The following NLRP5 variants were observed in gnomAD, a reference collection of about 807,000 sequenced individuals.
NLRP5 encodes NACHT, LRR and PYD domains-containing protein 5.
NLRP5 carries 93 observed loss-of-function variants against 113.1 expected under a neutral mutation model. The observed-to-expected ratio is 0.82, with a 90% CI of 0.70 to 0.98. NLRP5 has a LOEUF of 0.98. Ranked by LOEUF, NLRP5 falls within the 50% of genes least tolerant of loss-of-function variation. The probability of loss-of-function intolerance (pLI) is 0.00; values close to 1 mark genes in which losing one functional copy is unlikely to be tolerated. For synonymous variants in NLRP5, 751 were observed against 600.7 expected (o/e 1.25, Z -3.66); for missense variants, 1,808 against 1,514.3 (o/e 1.19, Z -3.22).
Position 56,030,095 on chromosome 19 carries a change from C to T in NLRP5, c.2276+1586C>T, listed in dbSNP as rs555536992. Among the ~76,000 whole-genome samples the T allele has an allele frequency of 1.6e-4, 24 of 148,540 alleles. No individual in the cohort carries two copies. In the South Asian group the frequency reaches 2.8e-3, roughly 17 times the overall value. ...CCTCAAATTATCACATGGGGCTGGG[C>T]GCGGTGGCTCATGCCTGTAATCCTA... On this transcript the variant is annotated intron_variant, in intron 7 of 14. Transcript: ENST00000390649.
chr19:56,007,791 A>G (rs978996375), intron 2 of NLRP5, among the ~76,000 whole-genome samples: 3 of 136,290 alleles, frequency 2.2e-5, no homozygotes, highest in South Asian at 4.2e-4. Flanking sequence ...CCATGAGATA[A>G]ATAAAGGTGG....
rs550887011 is a variant in NLRP5, at chr19:56,040,510, T to C, written c.2787-412T>C. ...TTGAACCTGAGAGCAGAGGTTGCAGTGAGCTGAGATCATGCCACTGCACTC... is the reference window on the plus strand; with the variant it reads ...TTGAACCTGAGAGCAGAGGTTGCAGCGAGCTGAGATCATGCCACTGCACTC... On this transcript the variant is annotated intron_variant, in intron 10 of 14. Transcript: ENST00000390649. Among the ~76,000 whole-genome samples, 215 of 152,282 alleles carry C rather than the reference T, an allele frequency of 1.4e-3. 5 individuals carry two copies. The South Asian group carries it at 0.025, about 18-fold the overall frequency.
chr19:55,998,688 A>ATATGTGTGTGTGTGTGTGTG (rs1981439743), upstream of NLRP5, among the ~76,000 whole-genome samples: 2 of 50,294 alleles, frequency 4.0e-5, no homozygotes, highest in African/African-American at 2.0e-4. Flanking sequence ...ATATATATAT[A>ATATGTGTGTGTGTGTGTGTG]TATATATATA....
intron 3 of NLRP5, among the ~76,000 whole-genome samples, chr19:56,011,648 T>C (rs958247167): frequency 6.6e-6 from 1 of 151,734 alleles, no homozygotes; most frequent in Non-Finnish European, 1.5e-5. Flanking sequence ...CTTTCCAGAC[T>C]GAGATGTCAT....
chr19:56,024,378 TATATATAAC>T (rs1982733910), intron 6 of NLRP5, among the ~76,000 whole-genome samples: 1 of 117,650 alleles, frequency 8.5e-6, no homozygotes, highest in African/African-American at 3.3e-5. Context: ...TATATATGTG[TATATATAAC>T]ATATATACAT....
In NLRP5 at chr19:56,058,408, T is replaced by C; in HGVS notation, c.3468T>C (p.Ile1156=). Reference sequence around the variant, plus strand: ...GTCCCACGTCTAACTTACAGATAATTGGGTAAGTCGCCAGCAATTGTCTTC... The same window carrying C: ...GTCCCACGTCTAACTTACAGATAATCGGGTAAGTCGCCAGCAATTGTCTTC... Residue 1156 remains isoleucine (I), a splice_region_variant and synonymous_variant, in exon 14 of 15, where the codon ATT becomes ATC. Transcript: ENST00000390649. 1 of 1,610,826 alleles carries C rather than the reference T, an allele frequency of 6.2e-7. No individual in the cohort carries two copies. The highest frequency in any genetic ancestry group is 8.5e-7 in the Non-Finnish European group (1 of 1,178,280).
In NLRP5 at chr19:56,032,660, A is replaced by G. The variant is rs775460868; in HGVS notation, c.2326A>G (p.Met776Val). 27 of 1,613,700 alleles carry G rather than the reference A, an allele frequency of 1.7e-5. No individual in the cohort carries two copies. Among genetic ancestry groups the G allele is most frequent in the African/African-American group, 2.7e-5 (2 of 74,928 alleles). The stretch of plus-strand genomic sequence containing the variant: ...GGAGCAGTGGGAAGATTTCTGCTCC[A>G]TGCTTGGCACCCACCCACACCTGCG... Residue 776 changes from methionine (M) to valine (V), a missense_variant, in exon 8 of 15, where the codon ATG (methionine) becomes GTG (valine). Transcript: ENST00000390649.
chr19:56,035,825 C>T (rs1393331201), intron 9 of NLRP5, among the ~76,000 whole-genome samples: 1 of 152,050 alleles, frequency 6.6e-6, no homozygotes, highest in Non-Finnish European at 1.5e-5. Context: ...GAGACTTTGA[C>T]ATTGGAAGAT....
At position 56,027,806 on chromosome 19, in the gene NLRP5, A is replaced by G; in HGVS notation, c.1573A>G (p.Arg525Gly). The G allele has an allele frequency of 6.2e-7, 1 of 1,613,998 alleles. No individual in the cohort carries two copies. The highest frequency in any genetic ancestry group is 8.5e-7 in the Non-Finnish European group (1 of 1,179,882). ...CCGGCGCTGTCTCAATCTGGAGGAA[A>G]GAGTTGTCCTGAAGCGCTTCTGCCG... Residue 525 changes from arginine to glycine, a missense_variant, in exon 7 of 15, where the codon AGA becomes GGA. Coordinates refer to ENST00000390649, the MANE Select transcript of NLRP5 (RefSeq NM_153447.4).
chr19:55,998,509 C>T (rs905322281), upstream of NLRP5, among the ~76,000 whole-genome samples: 19 of 151,276 alleles, frequency 1.3e-4, no homozygotes, highest in African/African-American at 3.7e-4. Context: ...GAAAATTAGC[C>T]GGGCATGGTG....
At chr19:56,018,551 TTA>T (rs1467808969) in intron 4 of NLRP5, 1 of 152,202 alleles carries the variant, frequency 6.6e-6, no homozygotes, top group Non-Finnish European at 1.5e-5. Context: ...TACAAATAGT[TTA>T]TGACAACTCA....
rs766991326 is a variant in NLRP5, at chr19:56,032,674, C to A, written c.2340C>A (p.His780Gln). ...ATTTCTGCTCCATGCTTGGCACCCA[C>A]CCACACCTGCGGCAGCTGGACCTGG... The change falls in exon 8 of 15, where the codon CAC becomes CAA. Residue 780 changes from histidine (H) to glutamine (Q), a missense_variant. His to Gln is a conservative substitution (Grantham distance 24). Transcript: ENST00000390649. The A allele has an allele frequency of 6.2e-7, 1 of 1,613,694 alleles. No homozygotes were observed. Among genetic ancestry groups the A allele is most frequent in the African/African-American group, 1.3e-5 (1 of 74,936 alleles).
chr19:56,032,648 G>C lies in NLRP5; in HGVS notation c.2314G>C (p.Asp772His). The C allele has an allele frequency of 6.2e-7, 1 of 1,613,786 alleles. No individual in the cohort carries two copies. Residue 772 changes from aspartate to histidine, a missense_variant, in exon 8 of 15, where the codon GAT becomes CAT. Coordinates refer to ENST00000390649, the MANE Select transcript of NLRP5 (RefSeq NM_153447.4). ...GACCCTCATTGAGGAGCAGTGGGAA[G>C]ATTTCTGCTCCATGCTTGGCACCCA...
chr19:55,993,647 C>A, the NLRP5 span, among the ~76,000 whole-genome samples: 1 of 110,168 alleles, frequency 9.1e-6, no homozygotes, highest in South Asian at 3.8e-4. Flanking sequence ...TCCTCTAATA[C>A]CCACAATTAC....
chr19:56,047,042 T>G (rs1271204335), intron 11 of NLRP5, among the ~76,000 whole-genome samples: 7 of 121,212 alleles, frequency 5.8e-5, no homozygotes, highest in Admixed American at 4.7e-4. Context: ...ATAAAGGTGT[T>G]CCTTATAGCC....
intron 2 of NLRP5, among the ~76,000 whole-genome samples, chr19:56,005,749 A>G (rs974608088): frequency 6.6e-6 from 1 of 152,202 alleles, no homozygotes; most frequent in Admixed American, 6.6e-5. Flanking sequence ...AAAAAGGCCC[A>G]GTGTGGAGGG....
chr19:56,004,286 G>A (rs1264405611), intron 2 of NLRP5, among the ~76,000 whole-genome samples, 191 bp downstream of exon 2: 1 of 151,978 alleles, frequency 6.6e-6, no homozygotes, highest in East Asian at 1.9e-4. Context: ...AAATAATGGA[G>A]GAGGGAGAAA....
rs754029333 is a variant in NLRP5 at position 56,028,207 on chromosome 19, C to T, written c.1974C>T (p.Pro658=). 4 of 1,613,908 alleles carry T rather than the reference C, an allele frequency of 2.5e-6. No homozygotes were observed. The highest frequency in any genetic ancestry group is 3.4e-6 in the Non-Finnish European group (4 of 1,179,898). Reference sequence around the variant, plus strand: ...AGGTCCTGCTGGGCTGTCCCGTTCCCCTGGGGGTGAAGCAGAAGCTTCTGC... The same window carrying T: ...AGGTCCTGCTGGGCTGTCCCGTTCCTCTGGGGGTGAAGCAGAAGCTTCTGC... Residue 658 remains proline (P), a synonymous_variant, in exon 7 of 15, where the codon CCC becomes CCT. Coordinates refer to ENST00000390649, the MANE Select transcript of NLRP5 (RefSeq NM_153447.4).
At chr19:56,036,397 T>G (rs889814933) in intron 9 of NLRP5, among the ~76,000 whole-genome samples, 1 of 152,040 alleles carries the variant, frequency 6.6e-6, no homozygotes, top group African/African-American at 2.4e-5. Flanking sequence ...CGACAGATGC[T>G]TGATTCTGTG....
Sources: allele counts gnomAD v4.1 joint callset (sites outside exome capture counted in the v4.1 genomes callset), GRCh38; gene constraint gnomAD v4.1.1; transcripts MANE v1.5; gene names NCBI Gene and HGNC (gene_info 2026-07-23, HGNC 2026-07-21).